CSGALNACT1: variants seen among roughly 807,000 people sequenced by gnomAD.
CSGALNACT1 encodes the protein chondroitin sulfate N-acetylgalactosaminyltransferase 1.
Under a neutral mutation model 51.0 loss-of-function variants are expected in CSGALNACT1, and 52 were observed. The ratio of observed to expected loss-of-function variants is 1.02; its 90% CI spans 0.82 to 1.29. The LOEUF (loss-of-function observed/expected upper bound fraction) is 1.29, where lower values mean the gene tolerates loss of function less well. Among genes scored for constraint, CSGALNACT1 ranks in the 50% most tolerant of loss-of-function variants. The probability of loss-of-function intolerance (pLI) is 0.00; values close to 1 mark genes in which losing one functional copy is unlikely to be tolerated. For synonymous variants in CSGALNACT1, 341 were observed against 254.4 expected (o/e 1.34, Z -3.24); for missense variants, 935 against 679.2 (o/e 1.38, Z -4.19).
intron 1 of CSGALNACT1, among the ~76,000 whole-genome samples, chr8:19,607,762 A>G (rs1236122292): frequency 1.3e-5 from 2 of 152,200 alleles, no homozygotes; most frequent in African/African-American, 2.4e-5. Flanking sequence ...AACTCCTGTG[A>G]GTCTCCACTT....
At chr8:19,528,697 C>A (rs745802447) in intron 3 of CSGALNACT1, among the ~76,000 whole-genome samples, 4 of 152,136 alleles carry the variant, frequency 2.6e-5, no homozygotes, top group Non-Finnish European at 5.9e-5. Context: ...CCCTCAACAC[C>A]CTCTTACTAG....
chr8:19,609,188 T>A (rs1427009908), intron 1 of CSGALNACT1, among the ~76,000 whole-genome samples: 1 of 151,598 alleles, frequency 6.6e-6, no homozygotes, highest in Non-Finnish European at 1.5e-5. Context: ...CTTTTTTTTT[T>A]ATATTGAGAT....
intron 5 of CSGALNACT1, among the ~76,000 whole-genome samples, chr8:19,446,443 C>G (rs4307360): frequency 6.6e-6 from 1 of 151,928 alleles, no homozygotes; most frequent in Non-Finnish European, 1.5e-5. Flanking sequence ...TCTCCGTGCA[C>G]GAGCTCCCCA....
intron 6 of CSGALNACT1, among the ~76,000 whole-genome samples, chr8:19,426,167 A>C (rs1385904527): frequency 6.6e-6 from 1 of 152,188 alleles, no homozygotes; most frequent in African/African-American, 2.4e-5. Flanking sequence ...GAGCTGAACA[A>C]ATGGAAAACA....
intron 1 of CSGALNACT1, among the ~76,000 whole-genome samples, chr8:19,738,974 T>C (rs182240028): frequency 6.6e-6 from 1 of 152,244 alleles, no homozygotes. Flanking sequence ...GGCCCTCCTA[T>C]ACAACATTAA....
intron 3 of CSGALNACT1, among the ~76,000 whole-genome samples, chr8:19,567,005 A>C (rs1483268598): frequency 6.6e-6 from 1 of 152,218 alleles, no homozygotes; most frequent in Non-Finnish European, 1.5e-5. Context: ...CAGAAGGATA[A>C]GATAATATCC....
At chr8:19,454,345 G>A (rs2063704448) in intron 5 of CSGALNACT1, among the ~76,000 whole-genome samples, 1 of 152,180 alleles carries the variant, frequency 6.6e-6, no homozygotes, top group African/African-American at 2.4e-5. Flanking sequence ...TTATAAAGTA[G>A]AATGTAAAGG....
intron 1 of CSGALNACT1, among the ~76,000 whole-genome samples, chr8:19,735,064 G>A (rs1470158065): frequency 6.6e-6 from 1 of 152,102 alleles, no homozygotes; most frequent in Non-Finnish European, 1.5e-5. Flanking sequence ...ATATGCTGGG[G>A]CCAGAGTGCC....
intron 3 of CSGALNACT1, among the ~76,000 whole-genome samples, chr8:19,532,767 G>A (rs950844095): frequency 6.6e-6 from 1 of 152,076 alleles, no homozygotes; most frequent in Admixed American, 6.6e-5. Context: ...TTAACCCTTG[G>A]CGAGAAGGTA....
chr8:19,693,628 G>A (rs554075120), intron 1 of CSGALNACT1, among the ~76,000 whole-genome samples: 1 of 152,028 alleles, frequency 6.6e-6, no homozygotes, highest in Non-Finnish European at 1.5e-5. Context: ...CCTGTCTACA[G>A]GGAGCCCCTG....
intron 1 of CSGALNACT1, among the ~76,000 whole-genome samples, chr8:19,666,975 G>A (rs1253230976): frequency 9.0e-5 from 1 of 11,058 alleles, no homozygotes; most frequent in Non-Finnish European, 1.8e-4. Flanking sequence ...AAGAAAGAAA[G>A]AAAGAAAGAA....
intron 1 of CSGALNACT1, among the ~76,000 whole-genome samples, chr8:19,737,826 T>G (rs539111827): frequency 1.3e-5 from 2 of 152,198 alleles, no homozygotes; most frequent in Admixed American, 6.5e-5. Flanking sequence ...ATTCTACTTA[T>G]ATGAGGTACT....
chr8:19,434,279 T>G (rs1183264082), intron 6 of CSGALNACT1, among the ~76,000 whole-genome samples: 1 of 152,206 alleles, frequency 6.6e-6, no homozygotes, highest in East Asian at 1.9e-4. Flanking sequence ...TAATTGTTTT[T>G]CATAATATAT....
At chr8:19,530,311 T>TACAC (rs72389712) in intron 3 of CSGALNACT1, among the ~76,000 whole-genome samples, 90 of 59,784 alleles carry the variant, frequency 1.5e-3, no homozygotes, top group African/African-American at 3.0e-3. Context: ...TGTGTACACA[T>TACAC]ACACACACAC....
chr8:19,576,715 C>A (rs2044307935), intron 3 of CSGALNACT1, among the ~76,000 whole-genome samples: 1 of 152,032 alleles, frequency 6.6e-6, no homozygotes, highest in South Asian at 2.1e-4. Context: ...ATATGACAGC[C>A]TTTCTAACCC....
intron 3 of CSGALNACT1, among the ~76,000 whole-genome samples, chr8:19,590,306 C>T (rs1375270169): frequency 6.6e-6 from 1 of 152,210 alleles, no homozygotes; most frequent in Non-Finnish European, 1.5e-5. Flanking sequence ...GATATTTTAA[C>T]TTTGTGGCAG....
At chr8:19,432,701 T>C (rs951151196) in intron 6 of CSGALNACT1, among the ~76,000 whole-genome samples, 16 of 152,286 alleles carry the variant, frequency 1.1e-4, no homozygotes, top group Middle Eastern at 3.4e-3. Flanking sequence ...TCAAACCTGC[T>C]GTTAAGCCTC....
At chr8:19,430,538 T>A (rs2059500346) in intron 6 of CSGALNACT1, among the ~76,000 whole-genome samples, 1 of 152,190 alleles carries the variant, frequency 6.6e-6, no homozygotes, top group East Asian at 1.9e-4. Flanking sequence ...TAGGTTTATT[T>A]CCGAACTCTG....
intron 4 of CSGALNACT1, among the ~76,000 whole-genome samples, chr8:19,499,482 T>C (rs751212649): frequency 1.6e-4 from 24 of 152,146 alleles, no homozygotes; most frequent in South Asian, 6.2e-4. Context: ...AACAAACAAA[T>C]AACGTTTTTT....
Sources: allele counts gnomAD v4.1 joint callset (sites outside exome capture counted in the v4.1 genomes callset), GRCh38; gene constraint gnomAD v4.1.1; transcripts MANE v1.5; gene names NCBI Gene and HGNC (gene_info 2026-07-23, HGNC 2026-07-21).